INPP4B: variants seen among roughly 807,000 people sequenced by gnomAD.
The protein encoded by INPP4B is inositol polyphosphate-4-phosphatase type II B.
Under a neutral mutation model 122.5 loss-of-function variants are expected in INPP4B, and 55 were observed. The ratio of observed to expected loss-of-function variants is 0.45; its 90% CI spans 0.36 to 0.56. The LOEUF (loss-of-function observed/expected upper bound fraction) is 0.56, where lower values mean the gene tolerates loss of function less well. Among genes scored for constraint, INPP4B ranks in the 20% least tolerant of loss-of-function variants. The probability of loss-of-function intolerance (pLI) is 0.00; values close to 1 mark genes in which losing one functional copy is unlikely to be tolerated. For synonymous variants in INPP4B, 403 were observed against 388.7 expected, an observed-to-expected ratio of 1.04 and a Z score of -0.43; for missense variants, 1,000 against 1,097.7, an observed-to-expected ratio of 0.91 and a Z score of 1.26.
At chr4:142,172,069 T>A (rs1825879757) in intron 16 of INPP4B, among the ~76,000 whole-genome samples, 2 of 151,954 alleles carry the variant, frequency 1.3e-5, no homozygotes, top group African/African-American at 4.8e-5. Context: ...AACCTCCTCT[T>A]TTTTCTTTTT....
At chr4:142,832,130 C>T (rs1249391735) in intron 1 of INPP4B, among the ~76,000 whole-genome samples, 1 of 152,120 alleles carries the variant, frequency 6.6e-6, no homozygotes, top group Non-Finnish European at 1.5e-5. Context: ...TGGAGGTTGA[C>T]ATTTATTTCT....
chr4:142,246,101 T>C (rs560378060), intron 11 of INPP4B, among the ~76,000 whole-genome samples: 3 of 136,964 alleles, frequency 2.2e-5, no homozygotes, highest in Non-Finnish European at 3.1e-5. Flanking sequence ...TGTGTGTGTA[T>C]ACACACATAT....
chr4:142,680,097 A>G (rs1464306552), intron 2 of INPP4B, among the ~76,000 whole-genome samples: 3 of 151,866 alleles, frequency 2.0e-5, no homozygotes, highest in Non-Finnish European at 4.4e-5. Flanking sequence ...TAGAGCTATA[A>G]CATCACCATG....
At chr4:142,603,785 T>G (rs1380575637) in intron 2 of INPP4B, among the ~76,000 whole-genome samples, 1 of 151,990 alleles carries the variant, frequency 6.6e-6, no homozygotes, top group Admixed American at 6.6e-5. Flanking sequence ...CTACAAAATA[T>G]ATAAAGAAGA....
chr4:142,836,812 T>C (rs1782841027), intron 1 of INPP4B, among the ~76,000 whole-genome samples: 1 of 151,638 alleles, frequency 6.6e-6, no homozygotes. Context: ...AAATATATAT[T>C]AATAACATAA....
At chr4:142,681,441 T>C (rs1758603403) in intron 2 of INPP4B, among the ~76,000 whole-genome samples, 1 of 151,804 alleles carries the variant, frequency 6.6e-6, no homozygotes, top group Admixed American at 6.6e-5. Flanking sequence ...TTCACAAAAT[T>C]CTAAATATAG....
Position 142,112,553 on chromosome 4 carries a change from A to C in INPP4B, c.2265T>G (p.Thr755=). 6.2e-7 allele frequency: 1 copy of C among 1,612,962 alleles called. No homozygotes were observed. Among genetic ancestry groups the C allele is most frequent in the Non-Finnish European group, 8.5e-7 (1 of 1,179,416 alleles). ...LFNVGINEQQ[T]LAERFGDVSL... ...ACACCAAAGCTTACCTTTCAGCCAG[A>C]GTTTGCTGTTCATTGATTCCAACAT... Residue 755 remains threonine (T), a synonymous_variant, in exon 22 of 26, where the codon ACT becomes ACG. Coordinates refer to ENST00000262992, the MANE Select transcript of INPP4B (RefSeq NM_001101669.3).
At chr4:142,671,395 C>G (rs1185527301) in intron 2 of INPP4B, among the ~76,000 whole-genome samples, 1 of 152,090 alleles carries the variant, frequency 6.6e-6, no homozygotes, top group East Asian at 1.9e-4. Context: ...ACCTAGTGCT[C>G]CAATGAAATG....
At chr4:142,839,159 A>C (rs1444585038) in intron 1 of INPP4B, among the ~76,000 whole-genome samples, 2 of 152,226 alleles carry the variant, frequency 1.3e-5, no homozygotes. Context: ...TCTGCCGCTT[A>C]TAAAAGTAAA....
chr4:142,475,711 T>C (rs975183335), intron 2 of INPP4B, among the ~76,000 whole-genome samples: 4 of 152,152 alleles, frequency 2.6e-5, no homozygotes, highest in African/African-American at 9.7e-5. Flanking sequence ...TTGCAAGTAT[T>C]AACAGCAAAA....
chr4:142,572,158 G>A (rs1732975620), intron 2 of INPP4B, among the ~76,000 whole-genome samples: 1 of 152,196 alleles, frequency 6.6e-6, no homozygotes, highest in East Asian at 1.9e-4. Context: ...CTCTGCTGTT[G>A]AATTCAATTA....
intron 2 of INPP4B, among the ~76,000 whole-genome samples, chr4:142,685,962 C>G (rs1294102009): frequency 6.6e-6 from 1 of 151,980 alleles, no homozygotes; most frequent in African/African-American, 2.4e-5. Flanking sequence ...TTGACGTTTA[C>G]AGCAAACTAC....
chr4:142,198,806 C>T (rs1839490007), intron 14 of INPP4B, among the ~76,000 whole-genome samples: 1 of 152,022 alleles, frequency 6.6e-6, no homozygotes, highest in South Asian at 2.1e-4. Context: ...AAGTAAATGA[C>T]ACAATTAATT....
At chr4:142,518,616 T>G (rs776651700) in intron 2 of INPP4B, 1 of 152,132 alleles carries the variant, frequency 6.6e-6, no homozygotes, top group African/African-American at 2.4e-5. Context: ...CAATATGATA[T>G]GCAGAAATGA....
At chr4:142,598,405 C>T (rs1235548956) in intron 2 of INPP4B, among the ~76,000 whole-genome samples, 1 of 152,174 alleles carries the variant, frequency 6.6e-6, no homozygotes, top group Admixed American at 6.5e-5. Flanking sequence ...GCAGCTGCAA[C>T]TGGGCACCAT....
intron 11 of INPP4B, among the ~76,000 whole-genome samples, 190 bp downstream of exon 11, chr4:142,260,302 A>G (rs1049033620): frequency 6.6e-6 from 1 of 152,112 alleles, no homozygotes; most frequent in Admixed American, 6.6e-5. Context: ...TTGTTTTGCA[A>G]TATAGCTAGT....
At chr4:142,844,505 G>A (rs9994268) in intron 1 of INPP4B, among the ~76,000 whole-genome samples, 8,833 of 152,236 alleles carry the variant, frequency 0.058, 284 homozygotes, top group Middle Eastern at 0.13. Context: ...ACAAATTCAC[G>A]AGGTTCAACC....
At chr4:142,153,016 A>G (rs1470235554) in intron 17 of INPP4B, among the ~76,000 whole-genome samples, 4 of 152,220 alleles carry the variant, frequency 2.6e-5, no homozygotes, top group African/African-American at 9.6e-5. Context: ...GCATCTTCAA[A>G]TTGAATTTAT....
intron 2 of INPP4B, among the ~76,000 whole-genome samples, chr4:142,661,316 T>C (rs907033845): frequency 6.6e-6 from 1 of 152,206 alleles, no homozygotes; most frequent in South Asian, 2.1e-4. Context: ...TAAAAACATA[T>C]GGGCAGTAAT....
Sources: gnomAD v4.1 joint callset for allele counts (sites outside exome capture counted in the v4.1 genomes callset) on GRCh38, gnomAD v4.1.1 for gene constraint, MANE v1.5 for transcripts, NCBI Gene and HGNC (gene_info 2026-07-23, HGNC 2026-07-21) for gene names.